The following DMRTA2 variants were observed in gnomAD, a reference collection of about 807,000 sequenced individuals.
The protein encoded by DMRTA2 is doublesex- and mab-3-related transcription factor A2.
In DMRTA2, 10 loss-of-function variants were observed where a neutral mutation model predicts 29.7. The ratio of observed to expected loss-of-function variants is 0.34; its 90% CI spans 0.21 to 0.57. DMRTA2 has a LOEUF of 0.57. Among genes scored for constraint, DMRTA2 ranks in the 20% least tolerant of loss-of-function variants. The pLI is 0.87. For synonymous variants in DMRTA2, 469 were observed against 402.6 expected (o/e 1.16, Z -1.97); for missense variants, 783 against 812.1 (o/e 0.96, Z 0.44).
Position 50,419,046 on chromosome 1 carries a change from G to A in DMRTA2, c.1248C>T (p.His416=). 7.4e-7 allele frequency: 1 copy of A among 1,348,620 alleles called. No homozygotes were observed. Among genetic ancestry groups the A allele is most frequent in the South Asian group, 1.8e-5 (1 of 54,362 alleles). The allele number at this position is 1,348,620 out of a possible 1,614,324, so 83.5% of individuals were successfully genotyped here. A position where few individuals can be genotyped will look rare whatever the true frequency, so the allele number is the denominator to read the frequency against. ...LQAGPAAPPH[H]RPLLAGAMAP... is the part of the protein sequence containing the mutation. Reference sequence around the variant, plus strand: ...CCATGGCGCCGGCCAGCAAGGGTCTGTGGTGCGGAGGTGCGGCGGGCCCCG... The same window carrying A: ...CCATGGCGCCGGCCAGCAAGGGTCTATGGTGCGGAGGTGCGGCGGGCCCCG... Residue 416 remains histidine, a synonymous_variant, in exon 3 of 3, where the codon CAC becomes CAT. Coordinates refer to ENST00000404795, the MANE Select transcript of DMRTA2 (RefSeq NM_032110.3). The surrounding 1 kb of genome is among the most constrained non-coding windows in gnomAD (Gnocchi z 6.1).
At position 50,418,487 on chromosome 1, in the gene DMRTA2, T is replaced by C. The variant is rs1646004832; in HGVS notation, c.*178A>G. ...AACACCTGCACCTGTCTGTAGCTGC[T>C]CCCCCTTTGCTCAGCCTTCCCCACC... On this transcript the variant is annotated 3_prime_UTR_variant, in exon 3 of 3. Coordinates refer to ENST00000404795, the MANE Select transcript of DMRTA2 (RefSeq NM_032110.3). The C allele has an allele frequency of 2.2e-6, 1 of 445,420 alleles. No homozygotes were observed. Among genetic ancestry groups the C allele is most frequent in the Non-Finnish European group, 3.7e-6 (1 of 269,258 alleles). 27.6% of individuals were successfully genotyped at this position (445,420 alleles called of 1,614,324 possible). A position where few individuals can be genotyped will look rare whatever the true frequency, so the allele number is the denominator to read the frequency against.
At position 50,418,793 on chromosome 1, in the gene DMRTA2, T is replaced by C. The variant is rs764560283; in HGVS notation, c.1501A>G (p.Met501Val). 25 of 1,587,868 alleles carry C rather than the reference T, an allele frequency of 1.6e-5. No homozygotes were observed. The African/African-American group carries it at 3.2e-4, about 20-fold the overall frequency. The change falls in exon 3 of 3, where the codon ATG becomes GTG. Residue 501 changes from methionine (M) to valine (V), a missense_variant. Around this residue, in one of 3 missense-constraint regions of DMRTA2, gnomAD observed 667 missense variants for 624.8 expected, o/e 1.07. Transcript: ENST00000404795. ...ATGAGATCGCTAAAGGCGTAGTCCATGGGTGGGCGGAAGCCGAGCGTGGGC... is the reference window on the plus strand; with the variant it reads ...ATGAGATCGCTAAAGGCGTAGTCCACGGGTGGGCGGAAGCCGAGCGTGGGC... ...LVPTLGFRPP[M>V]DYAFSDLMRD...
Position 50,422,078 on chromosome 1 carries a change from A to G in DMRTA2, c.-8-534T>C, listed in dbSNP as rs1409598258. On this transcript the variant is annotated intron_variant, in intron 1 of 2. Coordinates refer to ENST00000404795, the MANE Select transcript of DMRTA2 (RefSeq NM_032110.3). The surrounding 1 kb of genome is among the most constrained non-coding windows in gnomAD (Gnocchi z 5.7). ...GAGAGATGTGAAGGCGCAGATGTGA[A>G]GGCCGGTTGGGCCGGAGTTTTGTTT... Among the ~76,000 whole-genome samples, 2 of 152,226 alleles carry G rather than the reference A, an allele frequency of 1.3e-5. No homozygotes were observed.
Position 50,418,105 on chromosome 1 carries a change from A to T in DMRTA2, c.*560T>A, listed in dbSNP as rs1304090417. 1 of 151,028 alleles carries T rather than the reference A, an allele frequency of 6.6e-6. No individual in the cohort carries two copies. Among genetic ancestry groups the T allele is most frequent in the African/African-American group, 2.4e-5 (1 of 40,850 alleles). 9.4% of individuals were successfully genotyped at this position (151,028 alleles called of 1,614,324 possible). On this transcript the variant is annotated 3_prime_UTR_variant, in exon 3 of 3. Coordinates refer to ENST00000404795, the MANE Select transcript of DMRTA2 (RefSeq NM_032110.3). ...AAAGAGAGCGACAAATACCGCAACGAGGAAAGTGCACCTTAAAACTTGTTT... is the reference window on the plus strand; with the variant it reads ...AAAGAGAGCGACAAATACCGCAACGTGGAAAGTGCACCTTAAAACTTGTTT...
rs552912158 is a variant in DMRTA2 at position 50,418,998 on chromosome 1, C to A, written c.1296G>T (p.Leu432=). ...GCGGCGAGAAGGCCGAGCGGCTGCT[C>A]AGCGAGCCCAGCGCCCCAGGCGCCA... ...GAMAPGALGS[L]SSRSAFSPLQ... Residue 432 remains leucine, a synonymous_variant, in exon 3 of 3, where the codon CTG becomes CTT. Coordinates refer to ENST00000404795, the MANE Select transcript of DMRTA2 (RefSeq NM_032110.3). The A allele has an allele frequency of 2.1e-6, 3 of 1,415,978 alleles. No homozygotes were observed. Among genetic ancestry groups the A allele is most frequent in the South Asian group, 2.9e-5 (2 of 68,058 alleles). 87.7% of individuals were successfully genotyped at this position (1,415,978 alleles called of 1,614,324 possible).
In DMRTA2 at chr1:50,419,907, C is replaced by T. The variant is rs1646024000; in HGVS notation, c.560-173G>A. On this transcript the variant is annotated intron_variant, in intron 2 of 2. Transcript: ENST00000404795. This position sits in a 1 kb window ranked among gnomAD's most constrained non-coding sequence, Gnocchi z 6.1. ...GCATTCCTTCCGCTCTGAGCCCCTACAGCCCTGACCCCAGGGCTCCCTCTC... is the reference window on the plus strand; with the variant it reads ...GCATTCCTTCCGCTCTGAGCCCCTATAGCCCTGACCCCAGGGCTCCCTCTC... Among the ~76,000 whole-genome samples, 1 of 152,128 alleles carries T rather than the reference C, an allele frequency of 6.6e-6. No homozygotes were observed. The highest frequency in any genetic ancestry group is 1.5e-5 in the Non-Finnish European group (1 of 68,030).
chr1:50,422,137 G>T lies in DMRTA2; in HGVS notation c.-8-593C>A, dbSNP rs1251225359. ...TTGTTTATTTTTAATGCAGTTTGGG[G>T]CAGAAGCTTTGGAGAGAAAAATCAA... On this transcript the variant is annotated intron_variant, in intron 1 of 2. Transcript: ENST00000404795. This position sits in a 1 kb window ranked among gnomAD's most constrained non-coding sequence, Gnocchi z 5.7. Among the ~76,000 whole-genome samples the T allele has an allele frequency of 1.3e-5, 2 of 152,180 alleles. No individual in the cohort carries two copies. The highest frequency in any genetic ancestry group is 3.9e-4 in the East Asian group (2 of 5,194).
rs1041539970 is a variant in DMRTA2 at position 50,422,203 on chromosome 1, G to A, written c.-8-659C>T. On this transcript the variant is annotated intron_variant, in intron 1 of 2. Coordinates refer to ENST00000404795, the MANE Select transcript of DMRTA2 (RefSeq NM_032110.3). The surrounding 1 kb of genome is among the most constrained non-coding windows in gnomAD (Gnocchi z 5.7). ...CTTTAGGAAGCAGAGTGAGGACGAGGAAACAACTTGGGCAAAGTTAGGCCC... is the reference window on the plus strand; with the variant it reads ...CTTTAGGAAGCAGAGTGAGGACGAGAAAACAACTTGGGCAAAGTTAGGCCC... Among the ~76,000 whole-genome samples, 2 of 152,166 alleles carry A rather than the reference G, an allele frequency of 1.3e-5. No individual in the cohort carries two copies. Among genetic ancestry groups the A allele is most frequent in the Non-Finnish European group, 2.9e-5 (2 of 68,036 alleles).
Position 50,420,903 on chromosome 1 carries a change from G to A in DMRTA2, c.559+75C>T, listed in dbSNP as rs995456430. 1.4e-5 allele frequency: 20 copies of A among 1,386,196 alleles called. No homozygotes were observed. The Admixed American group carries it at 6.4e-4, about 44-fold the overall frequency. The allele number at this position is 1,386,196 out of a possible 1,614,324, so 85.9% of individuals were successfully genotyped here. A position where few individuals can be genotyped will look rare whatever the true frequency, so the allele number is the denominator to read the frequency against. Reference sequence around the variant, plus strand: ...ACGGGGGTTCTACTCTTTCTGAACCGAGACAAGCCCCTGGGCCCCGTGCCC... The same window carrying A: ...ACGGGGGTTCTACTCTTTCTGAACCAAGACAAGCCCCTGGGCCCCGTGCCC... On this transcript the variant is annotated intron_variant, in intron 2 of 2. Transcript: ENST00000404795. This position sits in a 1 kb window ranked among gnomAD's most constrained non-coding sequence, Gnocchi z 4.1.
chr1:50,419,420 C>G lies in DMRTA2; in HGVS notation c.874G>C (p.Ala292Pro). The G allele has an allele frequency of 6.3e-7, 1 of 1,598,288 alleles. No homozygotes were observed. The highest frequency in any genetic ancestry group is 1.1e-5 in the South Asian group (1 of 90,674). ...SPLGSESGSE[A>P]DKEEGEAAPA... Reference sequence around the variant, plus strand: ...GCGGCCTCACCCTCTTCTTTGTCAGCCTCTGAACCGGATTCAGAGCCCAGA... The same window carrying G: ...GCGGCCTCACCCTCTTCTTTGTCAGGCTCTGAACCGGATTCAGAGCCCAGA... The change falls in exon 3 of 3, where the codon GCT (alanine) becomes CCT (proline). Residue 292 changes from alanine to proline, a missense_variant. Around this residue, in one of 3 missense-constraint regions of DMRTA2, gnomAD observed 667 missense variants for 624.8 expected, o/e 1.07. Coordinates refer to ENST00000404795, the MANE Select transcript of DMRTA2 (RefSeq NM_032110.3). This position sits in a 1 kb window ranked among gnomAD's most constrained non-coding sequence, Gnocchi z 6.1.
rs944308237 is a variant in DMRTA2, at chr1:50,420,258, T to C, written c.560-524A>G. On this transcript the variant is annotated intron_variant, in intron 2 of 2. Coordinates refer to ENST00000404795, the MANE Select transcript of DMRTA2 (RefSeq NM_032110.3). The surrounding 1 kb of genome is among the most constrained non-coding windows in gnomAD (Gnocchi z 4.1). Reference sequence around the variant, plus strand: ...GTTTCTAATCCACCCTTTCCAAAATTGAGACCTGAGAAGTTCTTCCCTCCC... The same window carrying C: ...GTTTCTAATCCACCCTTTCCAAAATCGAGACCTGAGAAGTTCTTCCCTCCC... 1.3e-5 allele frequency among the ~76,000 whole-genome samples: 2 copies of C among 152,106 alleles called. No individual in the cohort carries two copies. Among genetic ancestry groups the C allele is most frequent in the Non-Finnish European group, 2.9e-5 (2 of 68,026 alleles).
rs1304170303 is a variant in DMRTA2 at position 50,422,160 on chromosome 1, C to A, written c.-8-616G>T. 6.6e-6 allele frequency among the ~76,000 whole-genome samples: 1 copy of A among 152,102 alleles called. No homozygotes were observed. The highest frequency in any genetic ancestry group is 1.5e-5 in the Non-Finnish European group (1 of 68,018). On this transcript the variant is annotated intron_variant, in intron 1 of 2. Transcript: ENST00000404795. This position sits in a 1 kb window ranked among gnomAD's most constrained non-coding sequence, Gnocchi z 5.7. ...GGGCAGAAGCTTTGGAGAGAAAAAT[C>A]AACAACAGAAAGAATAGCTTTAGGA...
Position 50,419,057 on chromosome 1 carries a change from G to T in DMRTA2, c.1237C>A (p.Pro413Thr). ...GCCAGCAAGGGTCTGTGGTGCGGAG[G>T]TGCGGCGGGCCCCGCCTGCAGCGGC... ...PAPLQAGPAA[P>T]PHHRPLLAGA... The change falls in exon 3 of 3, where the codon CCT becomes ACT. Residue 413 changes from proline (P) to threonine (T), a missense_variant. Transcript: ENST00000404795. This position sits in a 1 kb window ranked among gnomAD's most constrained non-coding sequence, Gnocchi z 6.1. The T allele has an allele frequency of 7.7e-7, 1 of 1,305,084 alleles. No individual in the cohort carries two copies. Among genetic ancestry groups the T allele is most frequent in the Non-Finnish European group, 9.7e-7 (1 of 1,030,364 alleles). The allele number at this position is 1,305,084 out of a possible 1,614,324, so 80.8% of individuals were successfully genotyped here.
Position 50,420,755 on chromosome 1 carries a change from C to G in DMRTA2, c.559+223G>C, listed in dbSNP as rs550701006. Among the ~76,000 whole-genome samples, 38 of 152,254 alleles carry G rather than the reference C, an allele frequency of 2.5e-4. 1 individual carries two copies. The highest frequency in any genetic ancestry group is 8.4e-4 in the African/African-American group (35 of 41,562). On this transcript the variant is annotated intron_variant, in intron 2 of 2. Coordinates refer to ENST00000404795, the MANE Select transcript of DMRTA2 (RefSeq NM_032110.3). This position sits in a 1 kb window ranked among gnomAD's most constrained non-coding sequence, Gnocchi z 4.1. ...AAATTAAAGCGTGTACATTTCGGCC[C>G]GATGCAGGAGAAAGGGGTAAAGTGC... is the stretch of plus-strand genomic sequence containing the variant.
At position 50,420,887 on chromosome 1, in the gene DMRTA2, C is replaced by T. The variant is rs571552130; in HGVS notation, c.559+91G>A. ...GTCGCGGCGACTGGACACGGGGGTT[C>T]TACTCTTTCTGAACCGAGACAAGCC... is the stretch of plus-strand genomic sequence containing the variant. On this transcript the variant is annotated intron_variant, in intron 2 of 2. Coordinates refer to ENST00000404795, the MANE Select transcript of DMRTA2 (RefSeq NM_032110.3). This position sits in a 1 kb window ranked among gnomAD's most constrained non-coding sequence, Gnocchi z 4.1. 31 of 1,380,162 alleles carry T rather than the reference C, an allele frequency of 2.2e-5. No individual in the cohort carries two copies. The South Asian group carries it at 5.1e-4, about 23-fold the overall frequency. 85.5% of individuals were successfully genotyped at this position (1,380,162 alleles called of 1,614,324 possible). A position where few individuals can be genotyped will look rare whatever the true frequency, so the allele number is the denominator to read the frequency against.
Position 50,420,954 on chromosome 1 carries a change from CCTGCGGCCTG to C in DMRTA2, c.559+14_559+23del. The C allele has an allele frequency of 7.0e-7, 1 of 1,433,816 alleles. No homozygotes were observed. Among genetic ancestry groups the C allele is most frequent in the Non-Finnish European group, 9.1e-7 (1 of 1,104,114 alleles). The allele number at this position is 1,433,816 out of a possible 1,614,324, so 88.8% of individuals were successfully genotyped here. On this transcript the variant is annotated intron_variant, in intron 2 of 2. Coordinates refer to ENST00000404795, the MANE Select transcript of DMRTA2 (RefSeq NM_032110.3). This position sits in a 1 kb window ranked among gnomAD's most constrained non-coding sequence, Gnocchi z 4.1. ...CAGAGCTACGATCCTGCTGCCCCTA[CCTGCGGCCTG>C]GCCGCGCTCTCACCTGAGCCCCCTG...
chr1:50,420,796 G>A lies in DMRTA2; in HGVS notation c.559+182C>T, dbSNP rs745408629. 9.2e-5 allele frequency among the ~76,000 whole-genome samples: 14 copies of A among 152,216 alleles called. No homozygotes were observed. The highest frequency in any genetic ancestry group is 1.9e-4 in the Non-Finnish European group (13 of 68,022). ...GGTAAAGTGCAAATGCTCCAGAAGC[G>A]GGAGAAAGGAGAGTTTCTGTACCCA... On this transcript the variant is annotated intron_variant, in intron 2 of 2. Transcript: ENST00000404795. This position sits in a 1 kb window ranked among gnomAD's most constrained non-coding sequence, Gnocchi z 4.1.
At position 50,421,654 on chromosome 1, in the gene DMRTA2, C is replaced by T. The variant is rs867718527; in HGVS notation, c.-8-110G>A. The stretch of plus-strand genomic sequence containing the variant: ...AAGCTGGAGAGGGAAATTTGGGCCG[C>T]GGAGGCTGGGCTAGAGGGGCCAGAA... On this transcript the variant is annotated intron_variant, in intron 1 of 2. Transcript: ENST00000404795. The surrounding 1 kb of genome is among the most constrained non-coding windows in gnomAD (Gnocchi z 8.7). The T allele has an allele frequency of 6.8e-5, 80 of 1,180,390 alleles. No individual in the cohort carries two copies. The highest frequency in any genetic ancestry group is 8.0e-5 in the Non-Finnish European group (76 of 952,310). 73.1% of individuals were successfully genotyped at this position (1,180,390 alleles called of 1,614,324 possible).
rs1251461910 is a variant in DMRTA2 at position 50,423,220 on chromosome 1, T to C, written c.-113A>G. 6.6e-6 allele frequency: 1 copy of C among 152,502 alleles called. No individual in the cohort carries two copies. Among genetic ancestry groups the C allele is most frequent in the African/African-American group, 2.4e-5 (1 of 41,474 alleles). 9.4% of individuals were successfully genotyped at this position (152,502 alleles called of 1,614,324 possible). ...GCTTCCCTTTGCCCCCGGCCCCTTA[T>C]CTGACCACGTCACCCTCCTTCAGTC... On this transcript the variant is annotated 5_prime_UTR_variant, in exon 1 of 3. Transcript: ENST00000404795.
Sources: gnomAD v4.1 joint callset for allele counts (sites outside exome capture counted in the v4.1 genomes callset) on GRCh38, gnomAD v4.1.1 for gene constraint, gnomAD v4.1.1 regional missense constraint, Gnocchi (gnomAD v3.1) non-coding constraint, MANE v1.5 for transcripts, NCBI Gene and HGNC (gene_info 2026-07-23, HGNC 2026-07-21) for gene names.